The following NECTIN3 variants were observed in gnomAD, a reference collection of about 807,000 sequenced individuals.
NECTIN3 encodes the protein nectin-3.
NECTIN3 carries 8 observed loss-of-function variants against 49.4 expected under a neutral mutation model. That is an observed-to-expected ratio of 0.16 (90% CI 0.10 to 0.29). NECTIN3 has a LOEUF of 0.29. NECTIN3 is among the 10% of genes least tolerant of loss of function. The pLI, the probability that NECTIN3 is intolerant of heterozygous loss-of-function variation, is 1.00. For missense variants in NECTIN3, 581 were observed against 654.6 expected (o/e 0.89, Z 1.23); for synonymous variants, 277 against 241.1 (o/e 1.15, Z -1.38).
chr3:111,160,954 C>G (rs2035201586), intron 7 of NECTIN3, among the ~76,000 whole-genome samples: 1 of 152,184 alleles, frequency 6.6e-6, no homozygotes, highest in Admixed American at 6.5e-5. Context: ...TTGCAGTGAG[C>G]CGAGGTTGCG....
At chr3:111,097,554 A>T (rs948648386) in intron 1 of NECTIN3, among the ~76,000 whole-genome samples, 3 of 152,108 alleles carry the variant, frequency 2.0e-5, no homozygotes, top group Admixed American at 6.6e-5. Context: ...CAATTCCCAC[A>T]TGTTGTGGGA....
Position 111,118,248 on chromosome 3 carries a change from C to CTATATATATATATATATATA in NECTIN3, c.503-392_503-373dup, listed in dbSNP as rs34878535. 1.3e-3 allele frequency among the ~76,000 whole-genome samples: 103 copies of CTATATATATATATATATATA among 77,966 alleles called. 1 individual carries two copies. Among genetic ancestry groups the CTATATATATATATATATATA allele is most frequent in the Admixed American group, 2.1e-3 (13 of 6,186 alleles). 51.1% of individuals were successfully genotyped at this position (77,966 alleles called of 152,430 possible). A position where few individuals can be genotyped will look rare whatever the true frequency, so the allele number is the denominator to read the frequency against. ...AAAATTTTTTTACTGTAAAATGAAG[C>CTATATATATATATATATATA]TATATATATATATATATATATATAT... On this transcript the variant is annotated intron_variant, in intron 2 of 5. Transcript: ENST00000485303.
chr3:111,072,264 G>T, intron 1 of NECTIN3, 87 bp downstream of exon 1: 1 of 1,470,462 alleles, frequency 6.8e-7, no homozygotes, highest in East Asian at 2.5e-5. Context: ...GCCGTTCTCT[G>T]GAGCAGCGAG....
At chr3:111,193,477 A>G in intron 1 of NECTIN3, 1 of 1,292,794 alleles carries the variant, frequency 7.7e-7, no homozygotes, top group Non-Finnish European at 1.0e-6. Context: ...CTCATATAAG[A>G]ACAGTCCCAC....
chr3:111,089,387 A>G (rs2032118907), intron 1 of NECTIN3, among the ~76,000 whole-genome samples: 1 of 150,444 alleles, frequency 6.6e-6, no homozygotes, highest in African/African-American at 2.4e-5. Context: ...TAGTTAGATT[A>G]CTGATTTTCA....
At chr3:111,118,282 A>ATT (rs1576124784) in intron 2 of NECTIN3, among the ~76,000 whole-genome samples, 1 of 131,676 alleles carries the variant, frequency 7.6e-6, no homozygotes, top group African/African-American at 2.7e-5. Context: ...ATATATATAT[A>ATT]TTATACATAT....
chr3:111,146,242 G>A (rs1192964659), intron 6 of NECTIN3, among the ~76,000 whole-genome samples: 6 of 150,812 alleles, frequency 4.0e-5, no homozygotes, highest in Non-Finnish European at 1.5e-5. Context: ...AGACCATCCC[G>A]GCTAAAACGG....
chr3:111,183,456 C>T (rs552251978), intron 7 of NECTIN3, among the ~76,000 whole-genome samples: 11 of 151,880 alleles, frequency 7.2e-5, no homozygotes, highest in Non-Finnish European at 8.8e-5. Flanking sequence ...GGGTTAGAGG[C>T]GCCCGCCACC....
chr3:111,113,861 G>A (rs2033576579), intron 2 of NECTIN3, among the ~76,000 whole-genome samples: 4 of 152,096 alleles, frequency 2.6e-5, no homozygotes, highest in East Asian at 1.9e-4. Flanking sequence ...GTGCATGCCT[G>A]TAATCCCAGC....
intron 7 of NECTIN3, among the ~76,000 whole-genome samples, chr3:111,156,112 A>G (rs1205946157): frequency 6.6e-6 from 1 of 152,158 alleles, no homozygotes; most frequent in Non-Finnish European, 1.5e-5. Context: ...CTCCTGTGAT[A>G]GTGTTTCCAC....
chr3:111,119,863 ATTCTTTGT>A (rs1296067860), intron 3 of NECTIN3, among the ~76,000 whole-genome samples: 1 of 152,144 alleles, frequency 6.6e-6, no homozygotes, highest in African/African-American at 2.4e-5. Flanking sequence ...AGGGAGTTCT[ATTCTTTGT>A]TGTTGCTACT....
intron 7 of NECTIN3, among the ~76,000 whole-genome samples, chr3:111,180,025 T>C (rs1416451325): frequency 2.0e-4 from 30 of 152,186 alleles, no homozygotes; most frequent in East Asian, 1.9e-4. Flanking sequence ...AGACAAAATT[T>C]CAAATTTAAA....
At chr3:111,093,950 A>G (rs1458750960) in intron 1 of NECTIN3, among the ~76,000 whole-genome samples, 4 of 152,146 alleles carry the variant, frequency 2.6e-5, no homozygotes, top group African/African-American at 7.2e-5. Flanking sequence ...TATGTGAAAC[A>G]CTTACTCTGT....
intron 7 of NECTIN3, among the ~76,000 whole-genome samples, chr3:111,157,454 A>G (rs1168414575): frequency 6.6e-6 from 1 of 152,066 alleles, no homozygotes; most frequent in African/African-American, 2.4e-5. Flanking sequence ...CTATGACTAC[A>G]TAGTTGGTCT....
chr3:111,145,296 A>C (rs908982201), intron 6 of NECTIN3, among the ~76,000 whole-genome samples: 2 of 152,202 alleles, frequency 1.3e-5, no homozygotes, highest in Non-Finnish European at 2.9e-5. Context: ...AAAGGGTAAC[A>C]TAGTAATACT....
intron 7 of NECTIN3, among the ~76,000 whole-genome samples, chr3:111,162,380 G>A (rs1374199020): frequency 6.6e-6 from 1 of 152,126 alleles, no homozygotes; most frequent in East Asian, 1.9e-4. Flanking sequence ...CCATGCTGCT[G>A]TTCTTGTGGT....
chr3:111,164,110 G>A (rs1277070772), intron 7 of NECTIN3, among the ~76,000 whole-genome samples: 1 of 152,136 alleles, frequency 6.6e-6, no homozygotes, highest in Non-Finnish European at 1.5e-5. Flanking sequence ...ACAATCAAAT[G>A]TTTGTGAAAT....
At chr3:111,111,383 T>C (rs2033453388) in intron 1 of NECTIN3, among the ~76,000 whole-genome samples, 1 of 152,204 alleles carries the variant, frequency 6.6e-6, no homozygotes. Flanking sequence ...AAGCATTTCT[T>C]CATTAACATT....
intron 7 of NECTIN3, among the ~76,000 whole-genome samples, chr3:111,151,176 G>T (rs887583320): frequency 6.6e-6 from 1 of 151,822 alleles, no homozygotes; most frequent in Admixed American, 6.6e-5. Flanking sequence ...ATGATATACA[G>T]CATGCAGCGT....
Sources: allele counts gnomAD v4.1 joint callset (sites outside exome capture counted in the v4.1 genomes callset), GRCh38; gene constraint gnomAD v4.1.1; transcripts MANE v1.5; gene names NCBI Gene and HGNC (gene_info 2026-07-23, HGNC 2026-07-21).